BCL2: variants seen among roughly 807,000 people sequenced by gnomAD.
BCL2 encodes apoptosis regulator Bcl-2.
A neutral mutation model predicts 14.2 loss-of-function variants in BCL2; 1 was observed. That is an observed-to-expected ratio of 0.07 (90% CI 0.02 to 0.33). The LOEUF (loss-of-function observed/expected upper bound fraction) is 0.33. BCL2 is among the 10% of genes least tolerant of loss of function. The pLI, the probability that BCL2 is intolerant of heterozygous loss-of-function variation, is 0.99. For synonymous variants in BCL2, 151 were observed against 137.2 expected, an observed-to-expected ratio of 1.10 and a Z score of -0.70; for missense variants, 247 against 305.9, an observed-to-expected ratio of 0.81 and a Z score of 1.44.
At chr18:63,179,273 G>T (rs888092384) in intron 2 of BCL2, among the ~76,000 whole-genome samples, 1 of 152,152 alleles carries the variant, frequency 6.6e-6, no homozygotes, top group South Asian at 2.1e-4. Flanking sequence ...GAAAAGAAAA[G>T]GTGTCTGAGT....
intron 2 of BCL2, among the ~76,000 whole-genome samples, chr18:63,306,196 G>A (rs1268517390): frequency 2.6e-5 from 4 of 152,208 alleles, no homozygotes; most frequent in African/African-American, 9.6e-5. Context: ...GAAGAACTGA[G>A]CCATGTTCTA....
At chr18:63,244,334 C>T (rs138676341) in intron 2 of BCL2, among the ~76,000 whole-genome samples, 3,731 of 152,140 alleles carry the variant, frequency 0.025, 61 homozygotes, top group Non-Finnish European at 0.038. Flanking sequence ...GCCGAGATCG[C>T]GCCACTGCAC....
In BCL2 at chr18:63,149,631, T is replaced by C. The variant is rs1914599581; in HGVS notation, c.586-20872A>G. Reference sequence around the variant, plus strand: ...TAATCATGCAGTAACCCAGCCTTCCTTTCAAACTCTTTGCTTGATGTAATC... The same window carrying C: ...TAATCATGCAGTAACCCAGCCTTCCCTTCAAACTCTTTGCTTGATGTAATC... On this transcript the variant is annotated intron_variant, in intron 2 of 2. Transcript: ENST00000333681. This position sits in a 1 kb window ranked among gnomAD's most constrained non-coding sequence, Gnocchi z 4.2. Among the ~76,000 whole-genome samples the C allele has an allele frequency of 6.6e-6, 1 of 152,230 alleles. No individual in the cohort carries two copies. Among genetic ancestry groups the C allele is most frequent in the African/African-American group, 2.4e-5 (1 of 41,466 alleles).
intron 2 of BCL2, among the ~76,000 whole-genome samples, chr18:63,257,759 G>A (rs1035763098): frequency 1.3e-5 from 2 of 152,234 alleles, no homozygotes; most frequent in Non-Finnish European, 2.9e-5. Flanking sequence ...AACAGAATGA[G>A]AAATGAGGTT....
At chr18:63,198,944 C>CAG (rs374684713) in intron 2 of BCL2, among the ~76,000 whole-genome samples, 57 of 1,148 alleles carry the variant, frequency 0.05, no homozygotes, top group South Asian at 0.056. Context: ...CACACACTGA[C>CAG]ACAGAGACAC....
At chr18:63,178,180 T>G (rs1312837756) in intron 2 of BCL2, among the ~76,000 whole-genome samples, 1 of 152,180 alleles carries the variant, frequency 6.6e-6, no homozygotes, top group Admixed American at 6.5e-5. Flanking sequence ...CTGCTTTGCT[T>G]AAAAATGACA....
At chr18:63,211,048 TTTTTC>T (rs148998944) in intron 2 of BCL2, among the ~76,000 whole-genome samples, 4,429 of 148,040 alleles carry the variant, frequency 0.03, 172 homozygotes, top group East Asian at 0.097. Context: ...TCTTCCCATC[TTTTTC>T]TTTTCATTTC....
intron 2 of BCL2, among the ~76,000 whole-genome samples, chr18:63,198,723 AGACACACACAGACACAGG>A (rs1909551831): frequency 6.7e-6 from 1 of 148,356 alleles, no homozygotes; most frequent in East Asian, 2.0e-4. Context: ...ACACACACAC[AGACACACACAGACACAGG>A]GACACACACA....
intron 2 of BCL2, among the ~76,000 whole-genome samples, chr18:63,233,004 C>G (rs532237941): frequency 6.6e-6 from 1 of 152,088 alleles, no homozygotes; most frequent in African/African-American, 2.4e-5. Context: ...GGATGGAATC[C>G]CAGATCAAGG....
At chr18:63,215,955 T>A (rs77018107) in intron 2 of BCL2, among the ~76,000 whole-genome samples, 1,789 of 152,162 alleles carry the variant, frequency 0.012, 35 homozygotes, top group African/African-American at 0.041. Context: ...ATATGAAAAG[T>A]CTTATGCCAG....
chr18:63,173,579 C>T (rs573380419), intron 2 of BCL2, among the ~76,000 whole-genome samples: 10 of 152,124 alleles, frequency 6.6e-5, no homozygotes, highest in Non-Finnish European at 1.5e-4. Context: ...TTTGGTTGCT[C>T]TAAATAGACG....
intron 2 of BCL2, among the ~76,000 whole-genome samples, chr18:63,279,130 G>A (rs1250740632): frequency 6.6e-6 from 1 of 152,176 alleles, no homozygotes; most frequent in Non-Finnish European, 1.5e-5. Context: ...ATGACTTTGG[G>A]ATAGGCAACA....
intron 2 of BCL2, among the ~76,000 whole-genome samples, chr18:63,210,653 T>C (rs1484939108): frequency 1.3e-5 from 2 of 152,224 alleles, no homozygotes; most frequent in Admixed American, 1.3e-4. Flanking sequence ...TAATATTTTA[T>C]CTGAGTTTCA....
chr18:63,179,573 C>T (rs568773455), intron 2 of BCL2, among the ~76,000 whole-genome samples: 1 of 152,262 alleles, frequency 6.6e-6, no homozygotes, highest in African/African-American at 2.4e-5. Context: ...GCTTGGTTCC[C>T]AGAAAGCCCT....
At chr18:63,194,646 C>G (rs1297709366) in intron 2 of BCL2, among the ~76,000 whole-genome samples, 1 of 152,140 alleles carries the variant, frequency 6.6e-6, no homozygotes, top group Non-Finnish European at 1.5e-5. Flanking sequence ...AATCATTATG[C>G]TTATGAACTA....
chr18:63,131,235 C>T (rs1914062255), intron 2 of BCL2, among the ~76,000 whole-genome samples: 1 of 152,202 alleles, frequency 6.6e-6, no homozygotes, highest in African/African-American at 2.4e-5. Flanking sequence ...CTAGCCCAGA[C>T]CAGCGACTGC....
intron 2 of BCL2, among the ~76,000 whole-genome samples, chr18:63,213,375 C>T (rs1194587928): frequency 6.6e-6 from 1 of 152,058 alleles, no homozygotes; most frequent in African/African-American, 2.4e-5. Context: ...AATGTAGGTC[C>T]TCACACCACA....
At chr18:63,231,868 A>C (rs1368591811) in intron 2 of BCL2, among the ~76,000 whole-genome samples, 1 of 152,130 alleles carries the variant, frequency 6.6e-6, no homozygotes, top group Non-Finnish European at 1.5e-5. Flanking sequence ...AAAAGCAGCC[A>C]AGATAACTTT....
At chr18:63,305,510 C>T (rs142106311) in intron 2 of BCL2, among the ~76,000 whole-genome samples, 21 of 152,176 alleles carry the variant, frequency 1.4e-4, no homozygotes, top group Admixed American at 7.8e-4. Flanking sequence ...ACAATATCTG[C>T]CTTGCTTAGG....
Sources: allele counts gnomAD v4.1 joint callset (sites outside exome capture counted in the v4.1 genomes callset), GRCh38; gene constraint gnomAD v4.1.1; non-coding constraint Gnocchi (gnomAD v3.1); transcripts MANE v1.5; gene names NCBI Gene and HGNC (gene_info 2026-07-23, HGNC 2026-07-21).